The following RNF216 variants were observed in gnomAD, a reference collection of about 807,000 sequenced individuals.
RNF216 encodes the protein ring finger protein 216.
RNF216 carries 72 observed loss-of-function variants against 110.8 expected under a neutral mutation model. The ratio of observed to expected loss-of-function variants is 0.65; its 90% CI spans 0.54 to 0.79. The LOEUF (loss-of-function observed/expected upper bound fraction) is 0.79, where lower values mean the gene tolerates loss of function less well. RNF216 is among the 30% of genes least tolerant of loss of function. The probability of loss-of-function intolerance (pLI) is 0.00; values close to 1 mark genes in which losing one functional copy is unlikely to be tolerated. For synonymous variants in RNF216, 495 were observed against 407.5 expected (o/e 1.21, Z -2.59); for missense variants, 1,342 against 1,141.2 (o/e 1.18, Z -2.54).
At chr7:5,646,755 T>G (rs574815048) in intron 14 of RNF216, among the ~76,000 whole-genome samples, 2 of 151,606 alleles carry the variant, frequency 1.3e-5, no homozygotes, top group African/African-American at 4.9e-5. Context: ...GTCACTGAAG[T>G]CTCTGTTGTA....
At chr7:5,658,317 AAAAGATTC>A (rs1270590642) in intron 13 of RNF216, among the ~76,000 whole-genome samples, 1 of 152,224 alleles carries the variant, frequency 6.6e-6, no homozygotes, top group African/African-American at 2.4e-5. Flanking sequence ...AACATAGTTC[AAAAGATTC>A]CTATTTTAAT....
intron 13 of RNF216, among the ~76,000 whole-genome samples, chr7:5,707,528 A>C (rs1792369218): frequency 6.6e-6 from 1 of 151,992 alleles, no homozygotes; most frequent in African/African-American, 2.4e-5. Context: ...TTTTTTGTGG[A>C]AATTGCAGAT....
intron 3 of RNF216, among the ~76,000 whole-genome samples, chr7:5,752,022 TAAAAATAC>T (rs1795358354): frequency 6.6e-6 from 1 of 151,698 alleles, no homozygotes; most frequent in Non-Finnish European, 1.5e-5. Flanking sequence ...CTATCTCTGC[TAAAAATAC>T]AAAAATTAGC....
Position 5,641,296 on chromosome 7 carries a change from C to A in RNF216, c.2240G>T (p.Arg747Leu), listed in dbSNP as rs201028513. 3.3e-5 allele frequency: 53 copies of A among 1,613,980 alleles called. No individual in the cohort carries two copies. Among genetic ancestry groups the A allele is most frequent in the Non-Finnish European group, 1.0e-5 (12 of 1,180,022 alleles). Residue 747 changes from arginine (R) to leucine (L), a missense_variant, in exon 15 of 17, where the codon CGC (arginine) becomes CTC (leucine). Physicochemically the swap from Arg to Leu is moderately radical, Grantham distance 102. Transcript: ENST00000389902. The part of the protein sequence containing the change: ...TGLIKSEGCN[R>L]MSCRCGAQMC... ...CTGGGCACCACAGCGGCAAGACATG[C>A]GGTTGCAGCCTTCAGATTTGATGAG... is the stretch of plus-strand genomic sequence containing the variant.
chr7:5,750,898 A>G (rs995734695), intron 3 of RNF216, among the ~76,000 whole-genome samples: 2 of 149,546 alleles, frequency 1.3e-5, no homozygotes, highest in Non-Finnish European at 3.0e-5. Flanking sequence ...CTACTAACTC[A>G]ACAGAGAAGA....
chr7:5,668,715 A>G (rs1445381546), intron 13 of RNF216, among the ~76,000 whole-genome samples: 1 of 152,204 alleles, frequency 6.6e-6, no homozygotes, highest in Non-Finnish European at 1.5e-5. Context: ...AAGCAGGGCC[A>G]GAGATCCCAG....
At chr7:5,741,934 C>T in intron 3 of RNF216, 119 bp from the exon 4 acceptor site, 1 of 973,146 alleles carries the variant, frequency 1.0e-6, no homozygotes, top group Non-Finnish European at 1.5e-6. Flanking sequence ...TCTCCCTTAA[C>T]AATACCTATT....
At chr7:5,661,063 C>T (rs1789105002) in intron 13 of RNF216, among the ~76,000 whole-genome samples, 1 of 150,930 alleles carries the variant, frequency 6.6e-6, no homozygotes. Context: ...CCTCAGTCTC[C>T]CAAGTAGCTG....
rs1278222593 is a variant in RNF216 at position 5,716,836 on chromosome 7, T to G, written c.1645-70A>C. On this transcript the variant is annotated intron_variant, in intron 9 of 16. Transcript: ENST00000389902. ...AATGACACTAACCATTTAGTATTTATTTCCATAAACATAACTCCAGTATTG... is the reference window on the plus strand; with the variant it reads ...AATGACACTAACCATTTAGTATTTAGTTCCATAAACATAACTCCAGTATTG... 3.9e-5 allele frequency: 48 copies of G among 1,235,250 alleles called. 1 individual carries two copies. The highest frequency in any genetic ancestry group is 4.6e-5 in the Non-Finnish European group (39 of 853,520). The allele number at this position is 1,235,250 out of a possible 1,614,324, so 76.5% of individuals were successfully genotyped here.
At chr7:5,666,218 C>T (rs982912353) in intron 13 of RNF216, among the ~76,000 whole-genome samples, 5 of 150,258 alleles carry the variant, frequency 3.3e-5, no homozygotes, top group Non-Finnish European at 7.4e-5. Context: ...CTACTAAGGA[C>T]TATGGGTCCT....
At chr7:5,645,034 C>A (rs1787972819) in intron 14 of RNF216, among the ~76,000 whole-genome samples, 1 of 151,922 alleles carries the variant, frequency 6.6e-6, no homozygotes, top group Non-Finnish European at 1.5e-5. Context: ...CCAGGGTCAT[C>A]TCGAACTCCT....
chr7:5,773,214 T>C (rs1238848308), intron 1 of RNF216, among the ~76,000 whole-genome samples: 2 of 152,062 alleles, frequency 1.3e-5, no homozygotes, highest in Non-Finnish European at 2.9e-5. Flanking sequence ...TTGAACTGCA[T>C]CTAATCAAGT....
At chr7:5,745,720 T>A (rs1178322613) in intron 3 of RNF216, among the ~76,000 whole-genome samples, 3 of 151,688 alleles carry the variant, frequency 2.0e-5, no homozygotes, top group African/African-American at 7.3e-5. Context: ...ACCAACATGG[T>A]GAAACCCCAT....
intron 7 of RNF216, among the ~76,000 whole-genome samples, chr7:5,728,694 T>C (rs1464017858): frequency 1.3e-5 from 2 of 152,234 alleles, no homozygotes; most frequent in African/African-American, 4.8e-5. Flanking sequence ...CCAATGAGTA[T>C]TTTAACCACT....
At chr7:5,738,662 C>T (rs1005971539) in intron 5 of RNF216, among the ~76,000 whole-genome samples, 27 of 129,404 alleles carry the variant, frequency 2.1e-4, no homozygotes, top group African/African-American at 7.1e-4. Context: ...GAGCCGAGAT[C>T]GCACCACTGG....
At chr7:5,661,632 G>A (rs1562800707) in intron 13 of RNF216, among the ~76,000 whole-genome samples, 1 of 151,978 alleles carries the variant, frequency 6.6e-6, no homozygotes, top group African/African-American at 2.4e-5. Context: ...GTGACATCTC[G>A]TCTCTACAAA....
At position 5,696,507 on chromosome 7, in the gene RNF216, G is replaced by C. The variant is rs1791638554; in HGVS notation, c.2061+15254C>G. Among the ~76,000 whole-genome samples the C allele has an allele frequency of 6.6e-6, 1 of 152,110 alleles. No homozygotes were observed. Among genetic ancestry groups the C allele is most frequent in the African/African-American group, 2.4e-5 (1 of 41,424 alleles). Reference sequence around the variant, plus strand: ...AGCAACTGCCCAATGATCTACTCCAGGGCACCCACACACACCACAGGAAGG... The same window carrying C: ...AGCAACTGCCCAATGATCTACTCCACGGCACCCACACACACCACAGGAAGG... On this transcript the variant is annotated intron_variant, in intron 13 of 16. Transcript: ENST00000389902. The surrounding 1 kb of genome is among the most constrained non-coding windows in gnomAD (Gnocchi z 5.4).
intron 2 of RNF216, among the ~76,000 whole-genome samples, chr7:5,757,411 T>TG (rs1323074160): frequency 2.2e-4 from 11 of 50,618 alleles, no homozygotes; most frequent in Admixed American, 5.2e-4. Flanking sequence ...ATCAGCTCTT[T>TG]TTGTGTGTGT....
Position 5,633,594 on chromosome 7 carries a change from A to G in RNF216, c.2382+7560T>C, listed in dbSNP as rs546645635. On this transcript the variant is annotated intron_variant, in intron 15 of 16. Coordinates refer to ENST00000389902, the MANE Select transcript of RNF216 (RefSeq NM_207111.4). ...CCTCTCAAACAAAACAAAACAAAAC[A>G]AAACAAAAACAAGGAAATAAGCGGA... Among the ~76,000 whole-genome samples, 11 of 150,780 alleles carry G rather than the reference A, an allele frequency of 7.3e-5. No homozygotes were observed. In the South Asian group the frequency reaches 1.7e-3, roughly 23 times the overall value.
Sources: allele counts gnomAD v4.1 joint callset (sites outside exome capture counted in the v4.1 genomes callset), GRCh38; gene constraint gnomAD v4.1.1; non-coding constraint Gnocchi (gnomAD v3.1); transcripts MANE v1.5; gene names NCBI Gene and HGNC (gene_info 2026-07-23, HGNC 2026-07-21).